DYM: variants seen among roughly 807,000 people sequenced by gnomAD.
DYM encodes the protein dymeclin, also known as dyggve-Melchior-Clausen syndrome protein.
Under a neutral mutation model 93.1 loss-of-function variants are expected in DYM, and 78 were observed. The ratio of observed to expected loss-of-function variants is 0.84; its 90% CI spans 0.70 to 1.01. The LOEUF is 1.01. Ranked by LOEUF, DYM falls within the 50% of genes least tolerant of loss-of-function variation. DYM has a pLI of 0.00. For missense variants in DYM, 789 were observed against 845.0 expected, an observed-to-expected ratio of 0.93 and a Z score of 0.82; for synonymous variants, 321 against 319.7, an observed-to-expected ratio of 1.00 and a Z score of -0.04.
chr18:49,089,078 A>G (rs1357630392), intron 17 of DYM, among the ~76,000 whole-genome samples: 1 of 152,114 alleles, frequency 6.6e-6, no homozygotes, highest in Non-Finnish European at 1.5e-5. Flanking sequence ...GATTACAGGT[A>G]TGAGTCACTG....
At chr18:49,278,957 A>G (rs2094909060) in intron 10 of DYM, among the ~76,000 whole-genome samples, 1 of 152,226 alleles carries the variant, frequency 6.6e-6, no homozygotes, top group African/African-American at 2.4e-5. Context: ...GTAAACATTT[A>G]ATTGTGATAA....
At chr18:49,223,851 T>G (rs1203816777) in intron 13 of DYM, among the ~76,000 whole-genome samples, 2 of 151,884 alleles carry the variant, frequency 1.3e-5, no homozygotes, top group African/African-American at 2.4e-5. Context: ...TAAAGGACAA[T>G]GTGTAAGGAG....
intron 15 of DYM, among the ~76,000 whole-genome samples, chr18:49,151,306 C>T (rs1246273137): frequency 6.6e-6 from 1 of 152,012 alleles, no homozygotes; most frequent in African/African-American, 2.4e-5. Flanking sequence ...GTCAGAAATC[C>T]GTGAAATTTC....
At chr18:49,234,032 G>A (rs1471744278) in intron 13 of DYM, among the ~76,000 whole-genome samples, 2 of 152,158 alleles carry the variant, frequency 1.3e-5, no homozygotes, top group African/African-American at 4.8e-5. Flanking sequence ...GGGAGGCTGA[G>A]GCAGGAGAAT....
At chr18:49,069,910 G>A (rs1242881733) in intron 17 of DYM, among the ~76,000 whole-genome samples, 1 of 152,126 alleles carries the variant, frequency 6.6e-6, no homozygotes, top group Non-Finnish European at 1.5e-5. Context: ...GTGTGGTGGC[G>A]CATGCCCGTA....
At chr18:49,308,195 T>C (rs2061380846) in intron 8 of DYM, among the ~76,000 whole-genome samples, 1 of 152,164 alleles carries the variant, frequency 6.6e-6, no homozygotes, top group Admixed American at 6.5e-5. Context: ...GACAGAATTA[T>C]AGCTAAACTT....
At chr18:49,261,164 A>G (rs2094483132) in intron 11 of DYM, among the ~76,000 whole-genome samples, 1 of 152,134 alleles carries the variant, frequency 6.6e-6, no homozygotes, top group South Asian at 2.1e-4. Context: ...GGAATACCAC[A>G]CTCAATTTCA....
At chr18:49,299,083 A>G (rs901707120) in intron 8 of DYM, among the ~76,000 whole-genome samples, 1 of 152,168 alleles carries the variant, frequency 6.6e-6, no homozygotes, top group African/African-American at 2.4e-5. Context: ...ACTTCATTCC[A>G]TATGTCCCAA....
intron 2 of DYM, among the ~76,000 whole-genome samples, chr18:49,423,388 T>C (rs994947590): frequency 9.1e-4 from 139 of 152,040 alleles, no homozygotes; most frequent in Admixed American, 7.9e-4. Flanking sequence ...GGGACACATT[T>C]AAAGCAGTGT....
At chr18:49,080,883 C>T (rs1467140089) in intron 17 of DYM, among the ~76,000 whole-genome samples, 2 of 150,852 alleles carry the variant, frequency 1.3e-5, no homozygotes, top group African/African-American at 4.9e-5. Context: ...CGGGCAGAGG[C>T]GCTCCCCACA....
At chr18:49,163,858 T>C in intron 14 of DYM, 71 bp from the exon 15 acceptor site, 5 of 950,236 alleles carry the variant, frequency 5.3e-6, no homozygotes, top group Non-Finnish European at 8.3e-6. Context: ...TGGAAATATA[T>C]AGTTCCACAG....
chr18:49,432,329 C>CAAAAAAAA (rs11429840), intron 1 of DYM, among the ~76,000 whole-genome samples: 44 of 75,416 alleles, frequency 5.8e-4, no homozygotes, highest in Non-Finnish European at 7.8e-4. Context: ...AAGACTGTCT[C>CAAAAAAAA]AAAAAAAAAA....
chr18:49,209,909 C>A (rs567479595), intron 13 of DYM, among the ~76,000 whole-genome samples, 194 bp from the exon 14 acceptor site: 15 of 150,442 alleles, frequency 1.0e-4, no homozygotes, highest in African/African-American at 3.7e-4. Flanking sequence ...AAGATCTAAA[C>A]AGACACTTCA....
At chr18:49,459,025 A>G (rs1325028044) in intron 1 of DYM, among the ~76,000 whole-genome samples, 1 of 152,210 alleles carries the variant, frequency 6.6e-6, no homozygotes, top group Non-Finnish European at 1.5e-5. Context: ...GGTACATGGG[A>G]GTACCCTTTA....
chr18:49,444,732 A>G (rs1393857781), intron 1 of DYM, among the ~76,000 whole-genome samples: 2 of 152,332 alleles, frequency 1.3e-5, no homozygotes, highest in African/African-American at 2.4e-5. Context: ...GGAAGTGATT[A>G]GTCTGCAGTG....
chr18:49,244,609 T>A (rs2094122042), intron 13 of DYM, among the ~76,000 whole-genome samples: 1 of 151,636 alleles, frequency 6.6e-6, no homozygotes, highest in Non-Finnish European at 1.5e-5. Flanking sequence ...AGTTTCTTCA[T>A]TATAAAATAT....
At chr18:49,073,013 C>T (rs1199125135) in intron 17 of DYM, among the ~76,000 whole-genome samples, 3 of 152,154 alleles carry the variant, frequency 2.0e-5, no homozygotes, top group Non-Finnish European at 4.4e-5. Context: ...ACAAAATATC[C>T]TTGGCATTCA....
chr18:49,079,596 G>A (rs1447399736), intron 17 of DYM, among the ~76,000 whole-genome samples: 5 of 151,324 alleles, frequency 3.3e-5, no homozygotes, highest in Non-Finnish European at 5.9e-5. Flanking sequence ...ATTAGGGAGT[G>A]GTGATGACTC....
Position 49,286,500 on chromosome 18 carries a change from G to A in DYM, c.880C>T (p.Leu294=), listed in dbSNP as rs367844473. 25 of 1,614,050 alleles carry A rather than the reference G, an allele frequency of 1.5e-5. No individual in the cohort carries two copies. The highest frequency in any genetic ancestry group is 2.7e-5 in the African/African-American group (2 of 74,934). Residue 294 remains leucine, a synonymous_variant, in exon 9 of 18, where the codon CTG becomes TTG. Transcript: ENST00000675505. The part of the protein sequence containing the change: ...SLLLLLVLAN[L]TDASDAPNPY... ...TTTGGCGCATCTGAGGCATCTGTCA[G>A]ATTGGCCAACACCAGCAGAAGCAGG...
Sources: allele counts gnomAD v4.1 joint callset (sites outside exome capture counted in the v4.1 genomes callset), GRCh38; gene constraint gnomAD v4.1.1; transcripts MANE v1.5; gene names NCBI Gene and HGNC (gene_info 2026-07-23, HGNC 2026-07-21).